The following LARP6 variants were observed in gnomAD, a reference collection of about 807,000 sequenced individuals.
The protein encoded by LARP6 is la-related protein 6.
In LARP6, 18 loss-of-function variants were observed where a neutral mutation model predicts 32.8. The ratio of observed to expected loss-of-function variants is 0.55; its 90% confidence interval spans 0.38 to 0.81. LARP6 has a LOEUF of 0.81. Among genes scored for constraint, LARP6 ranks in the 40% least tolerant of loss-of-function variants. The probability of loss-of-function intolerance (pLI) is 0.00; values close to 1 mark genes in which losing one functional copy is unlikely to be tolerated. For synonymous variants in LARP6, 289 were observed against 267.2 expected (o/e 1.08, Z -0.80); for missense variants, 598 against 663.1 (o/e 0.90, Z 1.08).
chr15:70,839,243 A>G (rs2032206938), intron 1 of LARP6, among the ~76,000 whole-genome samples: 1 of 152,126 alleles, frequency 6.6e-6, no homozygotes, highest in South Asian at 2.1e-4. Flanking sequence ...GATCGAGACC[A>G]GCCTGGCCAA....
At chr15:70,837,468 T>A (rs1219905377) in intron 1 of LARP6, among the ~76,000 whole-genome samples, 1 of 152,204 alleles carries the variant, frequency 6.6e-6, no homozygotes, top group Non-Finnish European at 1.5e-5. Flanking sequence ...GCTTTTCACA[T>A]ATACTCTCTT....
intron 1 of LARP6, among the ~76,000 whole-genome samples, chr15:70,842,967 G>C (rs1295319480): frequency 4.6e-5 from 7 of 152,164 alleles, no homozygotes; most frequent in Admixed American, 2.0e-4. Flanking sequence ...TTTCCTGTTT[G>C]TGAAATAGCC....
At chr15:70,845,208 G>C (rs573927648) in intron 1 of LARP6, among the ~76,000 whole-genome samples, 5 of 152,182 alleles carry the variant, frequency 3.3e-5, no homozygotes, top group Admixed American at 6.5e-5. Flanking sequence ...ATTTTATTCA[G>C]ATTTCCTTAG....
rs1378384454 is a variant in LARP6 at position 70,829,531 on chromosome 15, G to A, written c.*2521C>T. The A allele has an allele frequency of 6.6e-6, 1 of 152,304 alleles. No individual in the cohort carries two copies. The highest frequency in any genetic ancestry group is 1.5e-5 in the Non-Finnish European group (1 of 68,082). 9.4% of individuals were successfully genotyped at this position (152,304 alleles called of 1,614,324 possible). A position where few individuals can be genotyped will look rare whatever the true frequency, so the allele number is the denominator to read the frequency against. On this transcript the variant is annotated 3_prime_UTR_variant, in exon 3 of 3. Coordinates refer to ENST00000299213, the MANE Select transcript of LARP6 (RefSeq NM_018357.4). ...AAGGAGGCTTGCCTTTGGAGGTGAT[G>A]ATCAGACAGCAGGATAAGTAGTGAC...
chr15:70,842,749 G>A (rs1390946072), intron 1 of LARP6, among the ~76,000 whole-genome samples: 1 of 152,150 alleles, frequency 6.6e-6, no homozygotes, highest in Non-Finnish European at 1.5e-5. Flanking sequence ...CACCCACTGA[G>A]CAGACAGGCA....
chr15:70,836,218 GT>G (rs1300817514), intron 2 of LARP6, 76 bp downstream of exon 2: 1 of 1,248,880 alleles, frequency 8.0e-7, no homozygotes, highest in Non-Finnish European at 1.2e-6. Flanking sequence ...TTTCAAGGGA[GT>G]TAAAAAAAAT....
chr15:70,836,527 G>A (rs141073791), intron 1 of LARP6, 22 bp from the exon 2 acceptor site: 1,098 of 1,598,054 alleles, frequency 6.9e-4, no homozygotes, highest in Non-Finnish European at 8.9e-4. Flanking sequence ...AGGAGACACC[G>A]GGTGTTAGGG....
chr15:70,849,414 T>C (rs73445566), intron 1 of LARP6: 5,042 of 153,184 alleles, frequency 0.033, 296 homozygotes, highest in African/African-American at 0.11. Flanking sequence ...TATTTCTTAG[T>C]TCTGTCCACT....
Position 70,832,836 on chromosome 15 carries a change from C to G in LARP6, c.692G>C (p.Arg231Pro). The change falls in exon 3 of 3, where the codon CGG (arginine) becomes CCG (proline). Residue 231 changes from arginine to proline, a missense_variant. Physicochemically the swap from Arg to Pro is moderately radical, Grantham distance 103. Transcript: ENST00000299213. ...FGTFGVISSV[R>P]ILKPGRELPP... ...CAGCTCTCTCCCAGGTTTGAGGATC[C>G]GCACTGATGAGATGACTCCAAAAGT... 1 of 1,612,978 alleles carries G rather than the reference C, an allele frequency of 6.2e-7. No homozygotes were observed. The highest frequency in any genetic ancestry group is 8.5e-7 in the Non-Finnish European group (1 of 1,179,594).
At chr15:70,851,667 G>A (rs1475928637) in intron 1 of LARP6, 1 of 1,614,040 alleles carries the variant, frequency 6.2e-7, no homozygotes, top group Non-Finnish European at 8.5e-7. Context: ...GCTAGGTGCT[G>A]AAGATACAAT....
At position 70,831,949 on chromosome 15, in the gene LARP6, C is replaced by G; in HGVS notation, c.*103G>C. 1.3e-6 allele frequency: 1 copy of G among 785,868 alleles called. No individual in the cohort carries two copies. The highest frequency in any genetic ancestry group is 2.0e-6 in the Non-Finnish European group (1 of 502,040). 48.7% of individuals were successfully genotyped at this position (785,868 alleles called of 1,614,324 possible). A position where few individuals can be genotyped will look rare whatever the true frequency, so the allele number is the denominator to read the frequency against. On this transcript the variant is annotated 3_prime_UTR_variant, in exon 3 of 3. Transcript: ENST00000299213. The stretch of plus-strand genomic sequence containing the variant: ...TAAGAGGTCTACATGAATAAAAAAT[C>G]TCTCAAAGGGGAACGAATTCCATTC...
At position 70,853,900 on chromosome 15, in the gene LARP6, G is replaced by A; in HGVS notation, c.189C>T (p.Ser63=). Residue 63 remains serine, a synonymous_variant, in exon 1 of 3, where the codon AGC becomes AGT. Transcript: ENST00000299213. ...GWGSASEEEP[S]RGHSGTTASG... is the part of the protein sequence containing the mutation. ...GCCGCCGCGCCTACCTGTGCCCGCG[G>A]CTCGGCTCCTCCTCGCTCGCGCTGC... 1 of 1,337,410 alleles carries A rather than the reference G, an allele frequency of 7.5e-7. No individual in the cohort carries two copies. The highest frequency in any genetic ancestry group is 3.2e-5 in the East Asian group (1 of 31,390). 82.8% of individuals were successfully genotyped at this position (1,337,410 alleles called of 1,614,324 possible). A position where few individuals can be genotyped will look rare whatever the true frequency, so the allele number is the denominator to read the frequency against.
chr15:70,843,976 T>A (rs528154272), intron 1 of LARP6, among the ~76,000 whole-genome samples: 68 of 142,478 alleles, frequency 4.8e-4, no homozygotes, highest in African/African-American at 1.7e-3. Flanking sequence ...TTTTTTTTTT[T>A]AAGACAGTCT....
chr15:70,851,398 A>T, intron 1 of LARP6: 1 of 1,099,734 alleles, frequency 9.1e-7, no homozygotes, highest in Non-Finnish European at 1.1e-6. Context: ...CTTTTTAATG[A>T]AGGAGATGTG....
chr15:70,854,014 G>A lies in LARP6; in HGVS notation c.75C>T (p.Ala25=). The A allele has an allele frequency of 6.9e-7, 1 of 1,458,200 alleles. No individual in the cohort carries two copies. The highest frequency in any genetic ancestry group is 9.1e-7 in the Non-Finnish European group (1 of 1,099,338). The allele number at this position is 1,458,200 out of a possible 1,614,324, so 90.3% of individuals were successfully genotyped here. ...AVQIRVAIQE[A]EDVDELEDEE... is the part of the protein sequence containing the mutation. Reference sequence around the variant, plus strand: ...CGTCCTCCAACTCGTCCACGTCCTCGGCCTCCTGGATGGCGACGCGGATCT... The same window carrying A: ...CGTCCTCCAACTCGTCCACGTCCTCAGCCTCCTGGATGGCGACGCGGATCT... The change falls in exon 1 of 3, where the codon GCC becomes GCT. Residue 25 remains alanine (A), a synonymous_variant. Transcript: ENST00000299213.
intron 1 of LARP6, among the ~76,000 whole-genome samples, chr15:70,845,528 T>A (rs1567022755): frequency 6.6e-6 from 1 of 152,214 alleles, no homozygotes; most frequent in Admixed American, 6.5e-5. Context: ...ATGATCACTG[T>A]GGATGCTAAC....
At chr15:70,843,332 A>C (rs1268934171) in intron 1 of LARP6, among the ~76,000 whole-genome samples, 1 of 152,212 alleles carries the variant, frequency 6.6e-6, no homozygotes, top group East Asian at 1.9e-4. Flanking sequence ...AATTAAAGTA[A>C]TAGATAAACA....
rs575059869 is a variant in LARP6, at chr15:70,840,933, A to G, written c.201-4428T>C. On this transcript the variant is annotated intron_variant, in intron 1 of 2. Transcript: ENST00000299213. ...CTCTCTTTTTTTTTTTTTTTTTAAGAGACAGAGTCTCGCTCTTTCGCCCAG... is the reference window on the plus strand; with the variant it reads ...CTCTCTTTTTTTTTTTTTTTTTAAGGGACAGAGTCTCGCTCTTTCGCCCAG... 2.0e-5 allele frequency among the ~76,000 whole-genome samples: 3 copies of G among 146,684 alleles called. No homozygotes were observed. The East Asian group carries it at 6.0e-4, about 30-fold the overall frequency.
At position 70,832,228 on chromosome 15, in the gene LARP6, G is replaced by A. The variant is rs761852234; in HGVS notation, c.1300C>T (p.Arg434Trp). ...SVTPSGSPWV[R>W]RRRQAEMGTQ... ...CCCATCTCGGCTTGGCGACGCCTCC[G>A]GACCCAGGGGCTGCCAGAGGGAGTG... The change falls in exon 3 of 3, where the codon CGG becomes TGG. Residue 434 changes from arginine (R) to tryptophan (W), a missense_variant. Physicochemically the swap from Arg to Trp is moderately radical, Grantham distance 101 (BLOSUM62 -3). This residue lies in a region of LARP6 where 368 missense variants were observed against 397.9 expected (regional missense o/e 0.92). Transcript: ENST00000299213. 19 of 1,613,876 alleles carry A rather than the reference G, an allele frequency of 1.2e-5. No homozygotes were observed. The highest frequency in any genetic ancestry group is 5.0e-5 in the Admixed American group (3 of 59,976).
Sources: allele counts gnomAD v4.1 joint callset (sites outside exome capture counted in the v4.1 genomes callset), GRCh38; gene constraint gnomAD v4.1.1; regional missense constraint gnomAD v4.1.1; transcripts MANE v1.5; gene names NCBI Gene and HGNC (gene_info 2026-07-23, HGNC 2026-07-21).